The following CMTM4 variants were observed in gnomAD, a reference collection of about 807,000 sequenced individuals.
CMTM4 encodes CKLF like MARVEL transmembrane domain containing 4, also known as CKLF-like MARVEL transmembrane domain-containing protein 4.
In CMTM4, 8 loss-of-function variants were observed where a neutral mutation model predicts 19.0. That is an observed-to-expected ratio of 0.42 (90% confidence interval 0.25 to 0.76). CMTM4 has a LOEUF of 0.76. CMTM4 is among the 30% of genes least tolerant of loss of function. CMTM4 has a pLI of 0.27. For missense variants in CMTM4, 228 were observed against 290.2 expected, an observed-to-expected ratio of 0.79 and a Z score of 1.56; for synonymous variants, 106 against 121.1, an observed-to-expected ratio of 0.88 and a Z score of 0.82.
At chr16:66,644,370 T>C (rs1313981132) in intron 1 of CMTM4, among the ~76,000 whole-genome samples, 2 of 152,198 alleles carry the variant, frequency 1.3e-5, no homozygotes, top group Non-Finnish European at 2.9e-5. Context: ...AAATGTCAGG[T>C]AGACTTTGTA....
At chr16:66,659,305 G>A (rs1042375145) in intron 1 of CMTM4, among the ~76,000 whole-genome samples, 1 of 151,928 alleles carries the variant, frequency 6.6e-6, no homozygotes, top group Non-Finnish European at 1.5e-5. Flanking sequence ...AACCTCAGAG[G>A]CGGAGGTTGC....
Position 66,686,792 on chromosome 16 carries a change from T to C in CMTM4, c.186+9548A>G, listed in dbSNP as rs938547823. On this transcript the variant is annotated intron_variant, in intron 1 of 3. Transcript: ENST00000394106. ...AATGTGGTGGTCTTGTCCTTTGATGTAGTAAAAGCACTCCTTGAAATTTAA... is the reference window on the plus strand; with the variant it reads ...AATGTGGTGGTCTTGTCCTTTGATGCAGTAAAAGCACTCCTTGAAATTTAA... Among the ~76,000 whole-genome samples, 17 of 152,124 alleles carry C rather than the reference T, an allele frequency of 1.1e-4. 1 individual carries two copies. Among genetic ancestry groups the C allele is most frequent in the African/African-American group, 4.1e-4 (17 of 41,430 alleles).
At chr16:66,665,326 A>G (rs2144868542) in intron 1 of CMTM4, among the ~76,000 whole-genome samples, 1 of 152,116 alleles carries the variant, frequency 6.6e-6, no homozygotes, top group Non-Finnish European at 1.5e-5. Flanking sequence ...ATCTAAATGT[A>G]AAATGTTAAA....
In CMTM4 at chr16:66,621,843, C is replaced by T; in HGVS notation, c.*215G>A. ...AAGTGGACCTGGGCAGTGACGCCGG[C>T]TGCTCCACAGCCCCAAACGCTGAGG... On this transcript the variant is annotated 3_prime_UTR_variant, in exon 4 of 4. Transcript: ENST00000394106. 7.2e-7 allele frequency: 1 copy of T among 1,393,274 alleles called. No individual in the cohort carries two copies. The highest frequency in any genetic ancestry group is 9.3e-7 in the Non-Finnish European group (1 of 1,073,976). 86.3% of individuals were successfully genotyped at this position (1,393,274 alleles called of 1,614,324 possible). A position where few individuals can be genotyped will look rare whatever the true frequency, so the allele number is the denominator to read the frequency against.
At chr16:66,683,281 CTTTTCTTTTTTTTTTTTTTTT>C (rs1213402257) in intron 1 of CMTM4, among the ~76,000 whole-genome samples, 1 of 108,282 alleles carries the variant, frequency 9.2e-6, no homozygotes, top group Non-Finnish European at 1.9e-5. Context: ...CCATTTTTTT[CTTTTCTTTTTTTTTTTTTTTT>C]TTTTTTTGAG....
intron 1 of CMTM4, among the ~76,000 whole-genome samples, chr16:66,691,463 A>G (rs1018300765): frequency 1.3e-5 from 2 of 152,140 alleles, no homozygotes; most frequent in African/African-American, 4.8e-5. Context: ...CACTTTGGGA[A>G]GCCGAAGAGG....
Position 66,696,484 on chromosome 16 carries a change from G to A in CMTM4, c.42C>T (p.Ala14=). 7.9e-7 allele frequency: 1 copy of A among 1,265,760 alleles called. No homozygotes were observed. The highest frequency in any genetic ancestry group is 1.6e-5 in the African/African-American group (1 of 64,008). 78.4% of individuals were successfully genotyped at this position (1,265,760 alleles called of 1,614,324 possible). A position where few individuals can be genotyped will look rare whatever the true frequency, so the allele number is the denominator to read the frequency against. Residue 14 remains alanine, a synonymous_variant, in exon 1 of 4, where the codon GCC becomes GCT. Transcript: ENST00000394106. This position sits in a 1 kb window ranked among gnomAD's most constrained non-coding sequence, Gnocchi z 4.3. ...GEELDGFEGE[A]SSTSMISGAS... ...CGCCCGAGATCATGGAGGTGCTCGA[G>A]GCCTCGCCCTCGAAGCCGTCCAGCT...
rs1042904136 is a variant in CMTM4 at position 66,620,988 on chromosome 16, C to T, written c.*1070G>A. On this transcript the variant is annotated 3_prime_UTR_variant, in exon 4 of 4. Transcript: ENST00000394106. ...GATGTCTACAGTTATGACACTGAGG[C>T]GCCCAAAGCGACAATTAGTGCCTTC... The T allele has an allele frequency of 8.1e-6, 8 of 985,742 alleles. No homozygotes were observed. In the South Asian group the frequency reaches 1.9e-4, roughly 23 times the overall value. 61.1% of individuals were successfully genotyped at this position (985,742 alleles called of 1,614,324 possible).
the CMTM4 span, among the ~76,000 whole-genome samples, chr16:66,602,797 T>A: frequency 1.3e-5 from 2 of 152,252 alleles, no homozygotes; most frequent in East Asian, 3.9e-4. Flanking sequence ...TCTGCCTGCC[T>A]CAGCCTCCCA....
chr16:66,651,311 A>C (rs962233514), intron 1 of CMTM4, among the ~76,000 whole-genome samples: 1 of 152,194 alleles, frequency 6.6e-6, no homozygotes, highest in African/African-American at 2.4e-5. Flanking sequence ...GCTAAACAAC[A>C]GATCACCTTA....
chr16:66,610,015 C>T (rs773208729), downstream of CMTM4: 181 of 1,613,996 alleles, frequency 1.1e-4, no homozygotes, highest in Non-Finnish European at 1.5e-4. The surrounding 1 kb of genome is among the most constrained non-coding windows in gnomAD (Gnocchi z 4.6). Context: ...TAAGCGGCTG[C>T]CCTGATCACC....
chr16:66,612,544 G>A, downstream of CMTM4: 1 of 1,561,908 alleles, frequency 6.4e-7, no homozygotes, highest in Non-Finnish European at 8.8e-7. This position sits in a 1 kb window ranked among gnomAD's most constrained non-coding sequence, Gnocchi z 6.0. Flanking sequence ...TGCTTCCCCA[G>A]AGACCGTTCC....
intron 1 of CMTM4, among the ~76,000 whole-genome samples, chr16:66,694,887 T>C (rs2017203518): frequency 6.6e-6 from 1 of 152,148 alleles, no homozygotes; most frequent in African/African-American, 2.4e-5. Flanking sequence ...TTTCTTTCCA[T>C]AAAGCCCTTC....
At chr16:66,660,287 C>T (rs1237344697) in intron 1 of CMTM4, among the ~76,000 whole-genome samples, 2 of 148,836 alleles carry the variant, frequency 1.3e-5, no homozygotes, top group Non-Finnish European at 3.0e-5. Flanking sequence ...TCTTGGAAGG[C>T]AGAGGTAGGA....
At chr16:66,695,990 C>T (rs944570926) in intron 1 of CMTM4, among the ~76,000 whole-genome samples, 4 of 152,200 alleles carry the variant, frequency 2.6e-5, no homozygotes, top group African/African-American at 9.7e-5. Context: ...CCACAGGTTG[C>T]TAAGACCAGC....
chr16:66,638,919 C>CA (rs61482726), intron 1 of CMTM4, among the ~76,000 whole-genome samples: 15,015 of 139,146 alleles, frequency 0.11, 819 homozygotes, highest in East Asian at 0.25. Context: ...GTTCTCACCA[C>CA]AAAAAAAAAA....
Position 66,696,290 on chromosome 16 carries a change from G to T in CMTM4, c.186+50C>A. The stretch of plus-strand genomic sequence containing the variant: ...GCCCCGCAGCGGGGCGGGGAGGGAG[G>T]CGTGCGGCTAGGCCGCCCTCGGGCA... On this transcript the variant is annotated intron_variant, in intron 1 of 3. Transcript: ENST00000394106. The surrounding 1 kb of genome is among the most constrained non-coding windows in gnomAD (Gnocchi z 4.3). 8.1e-7 allele frequency: 1 copy of T among 1,227,998 alleles called. No homozygotes were observed. The highest frequency in any genetic ancestry group is 1.0e-6 in the Non-Finnish European group (1 of 969,440). The allele number at this position is 1,227,998 out of a possible 1,614,324, so 76.1% of individuals were successfully genotyped here. A position where few individuals can be genotyped will look rare whatever the true frequency, so the allele number is the denominator to read the frequency against.
chr16:66,605,027 G>A, the CMTM4 span: 2 of 1,302,048 alleles, frequency 1.5e-6, no homozygotes, highest in Non-Finnish European at 9.9e-7. The surrounding 1 kb of genome is among the most constrained non-coding windows in gnomAD (Gnocchi z 4.6). Flanking sequence ...CGGGGCGCGG[G>A]TGGGGTCCGG....
rs567359223 is a variant in CMTM4 at position 66,642,412 on chromosome 16, AATATTTG to A, written c.187-5838_187-5832del. Among the ~76,000 whole-genome samples, 48 of 152,308 alleles carry A rather than the reference AATATTTG, an allele frequency of 3.2e-4. No individual in the cohort carries two copies. The South Asian group carries it at 9.5e-3, about 30-fold the overall frequency. On this transcript the variant is annotated intron_variant, in intron 1 of 3. Transcript: ENST00000394106. The stretch of plus-strand genomic sequence containing the variant: ...ACAAACTGACCAGAGTAAATATTTT[AATATTTG>A]ATAAGTAAACTGGGCCAGGTACAGT...
Sources: allele counts gnomAD v4.1 joint callset (sites outside exome capture counted in the v4.1 genomes callset), GRCh38; gene constraint gnomAD v4.1.1; non-coding constraint Gnocchi (gnomAD v3.1); transcripts MANE v1.5; gene names NCBI Gene and HGNC (gene_info 2026-07-23, HGNC 2026-07-21).